AHCTF1: variants seen among roughly 807,000 people sequenced by gnomAD.
AHCTF1 encodes AT-hook containing transcription factor 1.
Under a neutral mutation model 248.4 loss-of-function variants are expected in AHCTF1, and 24 were observed. The observed-to-expected ratio is 0.10, with a 90% confidence interval of 0.07 to 0.14. AHCTF1 has a LOEUF of 0.14. Among genes scored for constraint, AHCTF1 ranks in the 10% least tolerant of loss-of-function variants. The probability of loss-of-function intolerance (pLI) is 1.00; values close to 1 mark genes in which losing one functional copy is unlikely to be tolerated. For missense variants in AHCTF1, 2,206 were observed against 2,636.2 expected, an observed-to-expected ratio of 0.84 and a Z score of 3.57; for synonymous variants, 786 against 929.8, an observed-to-expected ratio of 0.85 and a Z score of 2.81.
At chr1:246,869,186 C>G (rs1215002032) in intron 24 of AHCTF1, among the ~76,000 whole-genome samples, 3 of 152,148 alleles carry the variant, frequency 2.0e-5, no homozygotes, top group Non-Finnish European at 2.9e-5. Context: ...TGTGGCAACC[C>G]TGTGTCCAGC....
intron 1 of AHCTF1, among the ~76,000 whole-genome samples, chr1:246,923,706 C>G (rs996922366): frequency 1.3e-5 from 2 of 151,688 alleles, no homozygotes; most frequent in Non-Finnish European, 2.9e-5. Context: ...CATTCCTCCC[C>G]TAGTATCTAG....
chr1:246,929,278 G>A (rs1286190441), intron 1 of AHCTF1, among the ~76,000 whole-genome samples: 2 of 152,052 alleles, frequency 1.3e-5, no homozygotes, highest in African/African-American at 4.8e-5. Context: ...GTGTGGCGGC[G>A]CGTTCCTGTA....
chr1:246,889,835 G>A (rs1157598510), intron 17 of AHCTF1, 131 bp downstream of exon 17: 7 of 588,830 alleles, frequency 1.2e-5, no homozygotes, highest in East Asian at 3.0e-5. Context: ...AAATAAAATA[G>A]TAATGGTAAT....
rs1340633655 is a variant in AHCTF1 at position 246,888,431 on chromosome 1, T to C, written c.2231A>G (p.Glu744Gly). Residue 744 changes from glutamate (E) to glycine (G), a missense_variant, in exon 18 of 36, where the codon GAA becomes GGA. By Grantham distance (98) the Glu-to-Gly change is moderately conservative (BLOSUM62 -2). Transcript: ENST00000648844. ...ERIEKLWKRD[E>G]GGTGKYPPAS... ...AGGAGGATATTTTCCTGTGCCTCCT[T>C]CATCTCGTTTCCACAACTTCTCAAT... is the stretch of plus-strand genomic sequence containing the variant. The C allele has an allele frequency of 1.9e-6, 3 of 1,613,014 alleles. No individual in the cohort carries two copies. The highest frequency in any genetic ancestry group is 1.1e-5 in the South Asian group (1 of 91,030).
Position 246,864,295 on chromosome 1 carries a change from G to A in AHCTF1, c.3348-179C>T, listed in dbSNP as rs994424405. Reference sequence around the variant, plus strand: ...TCAAAAAGTCAGAAAATTATTCATCGCAAAACAGAATTAAGAACTGCACAT... The same window carrying A: ...TCAAAAAGTCAGAAAATTATTCATCACAAAACAGAATTAAGAACTGCACAT... On this transcript the variant is annotated intron_variant, in intron 26 of 35. Transcript: ENST00000648844. 1.9e-5 allele frequency: 12 copies of A among 627,102 alleles called. 1 individual carries two copies. Among genetic ancestry groups the A allele is most frequent in the South Asian group, 1.3e-4 (5 of 39,040 alleles). 38.8% of individuals were successfully genotyped at this position (627,102 alleles called of 1,614,324 possible). A position where few individuals can be genotyped will look rare whatever the true frequency, so the allele number is the denominator to read the frequency against.
intron 26 of AHCTF1, 162 bp from the exon 27 acceptor site, chr1:246,864,278 T>G (rs1458865002): frequency 1.4e-6 from 1 of 710,498 alleles, no homozygotes; most frequent in East Asian, 2.8e-5. Flanking sequence ...ATTCAAAAAG[T>G]CAGAAAATTA....
intron 33 of AHCTF1, among the ~76,000 whole-genome samples, chr1:246,845,380 T>A (rs7520969): frequency 0.18 from 27,971 of 151,640 alleles, 4,308 homozygotes; most frequent in African/African-American, 0.43. Context: ...AAAAGAAAAA[T>A]AGAGTTGATA....
Position 246,905,546 on chromosome 1 carries a change from T to G in AHCTF1, c.876A>C (p.Gln292His), listed in dbSNP as rs1442481720. 1 of 1,610,502 alleles carries G rather than the reference T, an allele frequency of 6.2e-7. No homozygotes were observed. Among genetic ancestry groups the G allele is most frequent in the Non-Finnish European group, 8.5e-7 (1 of 1,178,546 alleles). The change falls in exon 6 of 36, where the codon CAA becomes CAC. Residue 292 changes from glutamine (Q) to histidine (H), a missense_variant. Coordinates refer to ENST00000648844, the MANE Select transcript of AHCTF1 (RefSeq NM_001323342.2). ...CCYLWAVQST[Q>H]DSEGDVLSLH... ...AAAGTTTGTATGAGACCTACCTATCTTGTGTAGACTGAACAGCCCACAAGT... is the reference window on the plus strand; with the variant it reads ...AAAGTTTGTATGAGACCTACCTATCGTGTGTAGACTGAACAGCCCACAAGT...
intron 4 of AHCTF1, among the ~76,000 whole-genome samples, chr1:246,912,114 T>C (rs966613456): frequency 7.2e-5 from 11 of 152,114 alleles, no homozygotes; most frequent in African/African-American, 2.7e-4. Context: ...AAAATGTTGA[T>C]AGTTTGTATC....
rs1663903662 is a variant in AHCTF1 at position 246,887,457 on chromosome 1, T to G, written c.2326-100A>C. ...AACAAAATGTAGCATTAAAAGAGAC[T>G]TGAAATGCCTGTTTTTAGTGTTTAG... On this transcript the variant is annotated intron_variant, in intron 19 of 35. Coordinates refer to ENST00000648844, the MANE Select transcript of AHCTF1 (RefSeq NM_001323342.2). 1.7e-6 allele frequency: 2 copies of G among 1,184,130 alleles called. 1 individual carries two copies. The highest frequency in any genetic ancestry group is 2.4e-6 in the Non-Finnish European group (2 of 846,454). The allele number at this position is 1,184,130 out of a possible 1,614,324, so 73.4% of individuals were successfully genotyped here.
chr1:246,853,988 T>C (rs79453909), intron 31 of AHCTF1, among the ~76,000 whole-genome samples: 1,603 of 152,280 alleles, frequency 0.011, 7 homozygotes, highest in Non-Finnish European at 0.018. Flanking sequence ...ACAAACTTTA[T>C]TGGATACAAC....
At chr1:246,887,703 C>G (rs1391106916) in intron 19 of AHCTF1, among the ~76,000 whole-genome samples, 6 of 152,166 alleles carry the variant, frequency 3.9e-5, no homozygotes, top group Non-Finnish European at 1.5e-5. Context: ...CAAACATCAT[C>G]TAGCTTATAA....
chr1:246,881,611 C>A (rs1220465493), intron 21 of AHCTF1, among the ~76,000 whole-genome samples: 1 of 151,688 alleles, frequency 6.6e-6, no homozygotes, highest in Non-Finnish European at 1.5e-5. Context: ...CCGAGGCGGG[C>A]GGATCACCTG....
At chr1:246,914,830 TC>T (rs1666032428) in intron 3 of AHCTF1, among the ~76,000 whole-genome samples, 2 of 152,168 alleles carry the variant, frequency 1.3e-5, no homozygotes, top group Admixed American at 6.5e-5. Context: ...TCTTCTCAAT[TC>T]CTCATCCAAA....
chr1:246,916,072 A>G, intron 3 of AHCTF1, 70 bp downstream of exon 3: 7 of 1,513,778 alleles, frequency 4.6e-6, no homozygotes, highest in Non-Finnish European at 6.2e-6. Context: ...TCAAAAAGTA[A>G]CACACCTATA....
chr1:246,917,601 G>A (rs1231853548), intron 2 of AHCTF1, among the ~76,000 whole-genome samples: 1 of 152,188 alleles, frequency 6.6e-6, no homozygotes, highest in Non-Finnish European at 1.5e-5. Context: ...CTGGCATATA[G>A]AAAGTACTGT....
Position 246,916,396 on chromosome 1 carries a change from C to A in AHCTF1, c.122-1G>T, listed in dbSNP as rs1161778859. The A allele has an allele frequency of 1.9e-6, 3 of 1,596,394 alleles. No individual in the cohort carries two copies. The highest frequency in any genetic ancestry group is 3.6e-5 in the Admixed American group (2 of 55,214). The stretch of plus-strand genomic sequence containing the variant: ...GCCAAGCAAGCAAGTCCATTTTTCC[C>A]TAGAAGAAAAAAAAATTGCCTATTT... On this transcript the variant is annotated splice_acceptor_variant, in intron 2 of 35. Coordinates refer to ENST00000648844, the MANE Select transcript of AHCTF1 (RefSeq NM_001323342.2). LOFTEE classifies it high-confidence loss of function.
intron 33 of AHCTF1, among the ~76,000 whole-genome samples, chr1:246,848,754 G>T (rs1259263415): frequency 6.6e-6 from 1 of 151,908 alleles, no homozygotes; most frequent in African/African-American, 2.4e-5. Context: ...GGAGGCTGAG[G>T]TAGGAGAATC....
intron 1 of AHCTF1, among the ~76,000 whole-genome samples, chr1:246,922,417 T>G (rs1177295716): frequency 1.3e-5 from 2 of 150,230 alleles, no homozygotes; most frequent in Non-Finnish European, 3.0e-5. Flanking sequence ...AGTATTCTGT[T>G]GCGGTTTTTT....
Sources: allele counts gnomAD v4.1 joint callset (sites outside exome capture counted in the v4.1 genomes callset), GRCh38; gene constraint gnomAD v4.1.1; transcripts MANE v1.5; gene names NCBI Gene and HGNC (gene_info 2026-07-23, HGNC 2026-07-21).